The following RNF17 variants were observed in gnomAD, a reference collection of about 807,000 sequenced individuals.
RNF17 encodes the protein spermatogenesis associated 23.
A neutral mutation model predicts 200.5 loss-of-function variants in RNF17; 31 were observed. The observed-to-expected ratio is 0.15, with a 90% CI of 0.12 to 0.21. The LOEUF (loss-of-function observed/expected upper bound fraction) is 0.21. Ranked by LOEUF, RNF17 falls within the 10% of genes least tolerant of loss-of-function variation. The pLI is 1.00. For synonymous variants in RNF17, 606 were observed against 637.8 expected (o/e 0.95, Z 0.75); for missense variants, 1,628 against 1,905.1 (o/e 0.85, Z 2.71).
At chr13:24,825,472 AAAAT>A (rs1888524225) in intron 15 of RNF17, 143 bp from the exon 16 acceptor site, 2 of 629,876 alleles carry the variant, frequency 3.2e-6, no homozygotes, top group East Asian at 2.7e-5. Flanking sequence ...AAAATTTTGT[AAAAT>A]AAATTACGTA....
chr13:24,765,306 C>CG (rs762733415), intron 1 of RNF17, among the ~76,000 whole-genome samples: 52 of 152,200 alleles, frequency 3.4e-4, no homozygotes, highest in Non-Finnish European at 6.8e-4. Flanking sequence ...TGAGCCACCG[C>CG]GCCCGGCCGG....
At chr13:24,810,024 G>T (rs1347022615) in intron 15 of RNF17, among the ~76,000 whole-genome samples, 1 of 151,002 alleles carries the variant, frequency 6.6e-6, no homozygotes, top group Non-Finnish European at 1.5e-5. Flanking sequence ...TATAATTTCT[G>T]TTCTTTTACA....
At chr13:24,804,501 G>T in intron 15 of RNF17, 72 bp downstream of exon 15, 1 of 1,165,794 alleles carries the variant, frequency 8.6e-7, no homozygotes, top group Non-Finnish European at 1.2e-6. Flanking sequence ...ACAAGAATGA[G>T]TATCTACCGT....
Position 24,767,336 on chromosome 13 carries a change from A to G in RNF17, c.195A>G (p.Glu65=), listed in dbSNP as rs775399396. 8 of 1,611,342 alleles carry G rather than the reference A, an allele frequency of 5.0e-6. No individual in the cohort carries two copies. In the East Asian group the frequency reaches 1.8e-4, roughly 36 times the overall value. The change falls in exon 2 of 36, where the codon GAA becomes GAG. Residue 65 remains glutamate, a synonymous_variant. Transcript: ENST00000255324. Reference sequence around the variant, plus strand: ...AACTATGCTTGTTAATGACTGAAGAATGCACCACAATTATATGCCCTGATT... The same window carrying G: ...AACTATGCTTGTTAATGACTGAAGAGTGCACCACAATTATATGCCCTGATT... ...FCELCLLMTE[E]CTTIICPDCE... is the part of the protein sequence containing the mutation.
At chr13:24,870,531 T>A in intron 31 of RNF17, 40 bp from the exon 32 acceptor site, 1 of 1,577,828 alleles carries the variant, frequency 6.3e-7, no homozygotes. Flanking sequence ...TTCTTGACAT[T>A]CCAGAATCTG....
At chr13:24,875,436 TG>T (rs1480975422) in intron 33 of RNF17, among the ~76,000 whole-genome samples, 5 of 152,198 alleles carry the variant, frequency 3.3e-5, no homozygotes, top group African/African-American at 9.6e-5. Context: ...AAATTAATCT[TG>T]TTCATGCCCT....
downstream of RNF17, among the ~76,000 whole-genome samples, chr13:24,880,978 C>T (rs1020255507): frequency 1.3e-5 from 2 of 152,106 alleles, no homozygotes; most frequent in African/African-American, 4.8e-5. Flanking sequence ...TTGTTTATTG[C>T]TTGTTCAAAT....
intron 16 of RNF17, chr13:24,826,196 C>A: frequency 1.6e-6 from 1 of 613,608 alleles, no homozygotes; most frequent in Non-Finnish European, 2.0e-6. Flanking sequence ...TGCTAGTTTT[C>A]TCGATATATT....
intron 22 of RNF17, among the ~76,000 whole-genome samples, chr13:24,847,109 T>C (rs1233580868): frequency 1.3e-5 from 2 of 152,154 alleles, no homozygotes; most frequent in Non-Finnish European, 2.9e-5. Context: ...GAACTCCAGA[T>C]ACACTATACA....
intron 25 of RNF17, among the ~76,000 whole-genome samples, chr13:24,857,760 A>G (rs1892670781): frequency 6.6e-6 from 1 of 152,146 alleles, no homozygotes; most frequent in African/African-American, 2.4e-5. Context: ...TTAGTTGGCC[A>G]TGGTGGTGCA....
intron 24 of RNF17, 128 bp from the exon 25 acceptor site, chr13:24,853,727 T>G: frequency 1.5e-6 from 1 of 666,960 alleles, no homozygotes; most frequent in Non-Finnish European, 2.3e-6. Flanking sequence ...ATGCTAATTT[T>G]TATGTAACAA....
the RNF17 span, chr13:24,886,395 A>C: frequency 1.6e-6 from 2 of 1,286,250 alleles, no homozygotes; most frequent in Non-Finnish European, 2.0e-6. Context: ...CCTGTGAGAC[A>C]GGAATGGTTC....
At chr13:24,886,283 G>C in the RNF17 span, 27 of 1,287,362 alleles carry the variant, frequency 2.1e-5, no homozygotes, top group South Asian at 3.2e-4. Flanking sequence ...ATGTTAAAAA[G>C]TGTAACAGAG....
At chr13:24,782,523 A>G (rs1458232518) in intron 6 of RNF17, among the ~76,000 whole-genome samples, 1 of 152,100 alleles carries the variant, frequency 6.6e-6, no homozygotes, top group African/African-American at 2.4e-5. Context: ...TAAAGTAAAC[A>G]AGCTTGAGCC....
At chr13:24,827,736 A>AAG in intron 16 of RNF17, among the ~76,000 whole-genome samples, 1 of 143,504 alleles carries the variant, frequency 7.0e-6, no homozygotes. Flanking sequence ...AAAAAACAAT[A>AAG]GAAATTTACT....
chr13:24,847,981 G>T (rs9511474), intron 22 of RNF17, among the ~76,000 whole-genome samples: 35,070 of 152,052 alleles, frequency 0.23, 4,509 homozygotes, highest in Non-Finnish European at 0.29. Flanking sequence ...ACTTTAAATG[G>T]TATCTTATGG....
chr13:24,807,569 C>T (rs1313334784), intron 15 of RNF17, among the ~76,000 whole-genome samples: 1 of 152,048 alleles, frequency 6.6e-6, no homozygotes, highest in Non-Finnish European at 1.5e-5. Flanking sequence ...GAGTAGGTTG[C>T]GAAAATTTTC....
At chr13:24,764,673 G>C (rs1162964242) in intron 1 of RNF17, among the ~76,000 whole-genome samples, 1 of 152,218 alleles carries the variant, frequency 6.6e-6, no homozygotes, top group African/African-American at 2.4e-5. Flanking sequence ...GTAGCCCATT[G>C]TTTTGTCATC....
chr13:24,767,298 C>T lies in RNF17; in HGVS notation c.157C>T (p.His53Tyr), dbSNP rs1428376021. The T allele has an allele frequency of 5.6e-6, 9 of 1,610,604 alleles. No individual in the cohort carries two copies. The East Asian group carries it at 2.0e-4, about 36-fold the overall frequency. ...TCACCATTGTGAACTTCAATGTGGA[C>T]ATGCTTTTTGTGAACTATGCTTGTT... ...SGHHCELQCG[H>Y]AFCELCLLMT... Residue 53 changes from histidine (H) to tyrosine (Y), a missense_variant, in exon 2 of 36, where the codon CAT becomes TAT. By Grantham distance (83) the His-to-Tyr change is moderately conservative. Coordinates refer to ENST00000255324, the MANE Select transcript of RNF17 (RefSeq NM_031277.3).
Sources: allele counts gnomAD v4.1 joint callset (sites outside exome capture counted in the v4.1 genomes callset), GRCh38; gene constraint gnomAD v4.1.1; transcripts MANE v1.5; gene names NCBI Gene and HGNC (gene_info 2026-07-23, HGNC 2026-07-21).